Variants in PER1 observed in about 807,000 individuals in gnomAD.
The protein encoded by PER1 is period circadian regulator 1.
In PER1, 87 loss-of-function variants were observed where a neutral mutation model predicts 125.9. The observed-to-expected ratio is 0.69, with a 90% CI of 0.58 to 0.83. The LOEUF (loss-of-function observed/expected upper bound fraction) is 0.83, where lower values mean the gene tolerates loss of function less well. PER1 is among the 40% of genes least tolerant of loss of function. PER1 has a pLI of 0.00. For synonymous variants in PER1, 801 were observed against 714.7 expected (o/e 1.12, Z -1.93); for missense variants, 1,775 against 1,722.8 (o/e 1.03, Z -0.54).
At chr17:8,148,537 G>C in intron 8 of PER1, 107 bp downstream of exon 8, 1 of 1,348,838 alleles carries the variant, frequency 7.4e-7, no homozygotes, top group East Asian at 2.3e-5. Context: ...AGCTTTTCTT[G>C]TTCCAAAATT....
Position 8,143,853 on chromosome 17 carries a change from G to T in PER1, c.2485C>A (p.Pro829Thr), listed in dbSNP as rs769801524. ...GATCGGCAGTGGTGTCGGCGGCTTG[G>T]GGGTGCGGGGCCGTGGTGGCAGCCT... ...ERGCHHGPAP[P>T]SRRHHCRSKA... The change falls in exon 19 of 23, where the codon CCA (proline) becomes ACA (threonine). Residue 829 changes from proline (P) to threonine (T), a missense_variant. Physicochemically the swap from Pro to Thr is conservative, Grantham distance 38 (BLOSUM62 -1). Coordinates refer to ENST00000317276, the MANE Select transcript of PER1 (RefSeq NM_002616.3). The T allele has an allele frequency of 1.9e-6, 3 of 1,611,676 alleles. No homozygotes were observed. The Admixed American group carries it at 5.0e-5, about 27-fold the overall frequency.
rs148264825 is a variant in PER1 at position 8,141,921 on chromosome 17, G to T, written c.3484C>A (p.Arg1162=). Residue 1162 remains arginine, a synonymous_variant, in exon 22 of 23, where the codon CGG becomes AGG. Coordinates refer to ENST00000317276, the MANE Select transcript of PER1 (RefSeq NM_002616.3). ...MTSVLKQDRE[R]LRAMQKQQPR... is the part of the protein sequence containing the mutation. ...TGCTGCTTCTGCATGGCTCGGAGCCGCTCCCGATCCTGCTTCAGCACAGAG... is the reference window on the plus strand; with the variant it reads ...TGCTGCTTCTGCATGGCTCGGAGCCTCTCCCGATCCTGCTTCAGCACAGAG... 1 of 1,613,998 alleles carries T rather than the reference G, an allele frequency of 6.2e-7. No individual in the cohort carries two copies. Among genetic ancestry groups the T allele is most frequent in the South Asian group, 1.1e-5 (1 of 91,074 alleles).
chr17:8,145,324 CTT>C (rs398030276), intron 17 of PER1, among the ~76,000 whole-genome samples: 5 of 125,490 alleles, frequency 4.0e-5, no homozygotes, highest in East Asian at 4.4e-4. Flanking sequence ...TTTCTTGTTT[CTT>C]TTTTTTTTTT....
rs536649395 is a variant in PER1, at chr17:8,148,173, A to G, written c.1127+8T>C. 1.2e-6 allele frequency: 2 copies of G among 1,613,864 alleles called. No homozygotes were observed. Among genetic ancestry groups the G allele is most frequent in the East Asian group, 2.2e-5 (1 of 44,870 alleles). ...GCTGCCCTCGTCTCCTCTAGGTCCT[A>G]TCCTCACCTTTCATCCACATCCTGG... On this transcript the variant is annotated splice_region_variant and intron_variant, in intron 9 of 22. Transcript: ENST00000317276.
Position 8,148,701 on chromosome 17 carries a change from C to T in PER1, c.991G>A (p.Ala331Thr). ...AGCAGGCAGCACGGCTGTGCAGGGG[C>T]CCCATCTGAGACCCGGATCTTGGTC... ...YVTKIRVSDG[A>T]PAQPCCLLIA... Residue 331 changes from alanine (A) to threonine (T), a missense_variant, in exon 8 of 23, where the codon GCC (alanine) becomes ACC (threonine). Transcript: ENST00000317276. 6.2e-7 allele frequency: 1 copy of T among 1,613,744 alleles called. No homozygotes were observed. Among genetic ancestry groups the T allele is most frequent in the Non-Finnish European group, 8.5e-7 (1 of 1,179,836 alleles).
chr17:8,146,408 G>C lies in PER1; in HGVS notation c.2002C>G (p.Gln668Glu). 1 of 1,613,038 alleles carries C rather than the reference G, an allele frequency of 6.2e-7. No homozygotes were observed. Among genetic ancestry groups the C allele is most frequent in the Non-Finnish European group, 8.5e-7 (1 of 1,179,480 alleles). ...TTSSASDDDR[Q>E]RTGPVSVGTK... ...CCCACAGAGACTGGACCTGTCCTCT[G>C]CCTGTCGTCGTCAGAGGCTGAGGAG... The change falls in exon 16 of 23, where the codon CAG (glutamine) becomes GAG (glutamate). Residue 668 changes from glutamine (Q) to glutamate (E), a missense_variant. Transcript: ENST00000317276.
chr17:8,149,333 G>A (rs759828744), intron 6 of PER1, 23 bp from the exon 7 acceptor site: 1 of 1,613,434 alleles, frequency 6.2e-7, no homozygotes, highest in Non-Finnish European at 8.5e-7. Context: ...GGAGAGGAGT[G>A]AGCACAGCTT....
At position 8,144,743 on chromosome 17, in the gene PER1, G is replaced by A. The variant is rs973050233; in HGVS notation, c.2461+8C>T. ...GAGGGCAGGCTCCAGGAGGCCCCAG[G>A]TGGCTACCTCGCTCGCCAAGGGCTG... On this transcript the variant is annotated splice_region_variant and intron_variant, in intron 18 of 22. Coordinates refer to ENST00000317276, the MANE Select transcript of PER1 (RefSeq NM_002616.3). The A allele has an allele frequency of 1.7e-5, 26 of 1,559,974 alleles. No individual in the cohort carries two copies. The Middle Eastern group carries it at 5.0e-4, about 30-fold the overall frequency.
Position 8,144,829 on chromosome 17 carries a change from G to A in PER1, c.2383C>T (p.Leu795Phe). ...CTGCCCAGGTCTCGGAAGCGGCTGA[G>A]GAAGGCTTGCTCTTCCTTCTGTGTG... is the stretch of plus-strand genomic sequence containing the variant. Reference protein sequence around the residue: ...LHTQKEEQAFLSRFRDLGRLR... With the variant: ...LHTQKEEQAFFSRFRDLGRLR... The change falls in exon 18 of 23, where the codon CTC (leucine) becomes TTC (phenylalanine). Residue 795 changes from leucine (L) to phenylalanine (F), a missense_variant. Physicochemically the swap from Leu to Phe is conservative, Grantham distance 22. Transcript: ENST00000317276. 6.3e-7 allele frequency: 1 copy of A among 1,586,688 alleles called. No homozygotes were observed.
Position 8,143,923 on chromosome 17 carries a change from T to C in PER1, c.2462-47A>G, listed in dbSNP as rs777809299. ...AGCAAGGACCTCAACCTGGGGTTAG[T>C]ACCCCTGCTACCCACACTGCCCTGA... On this transcript the variant is annotated intron_variant, in intron 18 of 22. Coordinates refer to ENST00000317276, the MANE Select transcript of PER1 (RefSeq NM_002616.3). 1.0e-5 allele frequency: 16 copies of C among 1,551,996 alleles called. No individual in the cohort carries two copies. The Admixed American group carries it at 2.3e-4, about 23-fold the overall frequency.
rs141195768 is a variant in PER1 at position 8,143,485 on chromosome 17, C to A, written c.2853G>T (p.Ser951=). Residue 951 remains serine (S), a synonymous_variant, in exon 19 of 23, where the codon TCG becomes TCT. Transcript: ENST00000317276. ...CGGGCAAGGATGGAGAAGGGGAGTGCGAGGCAGGAGTGGGAGGCCCTTCAG... is the reference window on the plus strand; with the variant it reads ...CGGGCAAGGATGGAGAAGGGGAGTGAGAGGCAGGAGTGGGAGGCCCTTCAG... ...TPAEGPPTPA[S]HSPSPSLPAL... 1.3e-6 allele frequency: 2 copies of A among 1,589,960 alleles called. No individual in the cohort carries two copies. The highest frequency in any genetic ancestry group is 1.3e-5 in the African/African-American group (1 of 74,446).
At chr17:8,151,371 G>A (rs1376848371) in intron 1 of PER1, among the ~76,000 whole-genome samples, 1 of 152,224 alleles carries the variant, frequency 6.6e-6, no homozygotes, top group African/African-American at 2.4e-5. Flanking sequence ...ACAGGAGGGC[G>A]GGAGGAGCGA....
At position 8,150,472 on chromosome 17, in the gene PER1, TG is replaced by T; in HGVS notation, c.234del (p.Lys79ArgfsTer32). ...GTGGTCTCCAGCAGGGCTGAGTCCT[TG>T]CCGTTGCCTGAGGAGGAGCTGTGTG... ...RSSHSSSSGN[G>X]KDSALLETTE... is the part of the protein sequence containing the mutation. On this transcript the variant is annotated frameshift_variant, in exon 2 of 23. Coordinates refer to ENST00000317276, the MANE Select transcript of PER1 (RefSeq NM_002616.3). LOFTEE classifies it high-confidence loss of function. The T allele has an allele frequency of 6.2e-7, 1 of 1,614,002 alleles. No homozygotes were observed. The highest frequency in any genetic ancestry group is 8.5e-7 in the Non-Finnish European group (1 of 1,179,938).
Position 8,149,747 on chromosome 17 carries a change from C to T in PER1, c.651+8G>A, listed in dbSNP as rs1339099194. On this transcript the variant is annotated splice_region_variant and intron_variant, in intron 5 of 22. Transcript: ENST00000317276. The stretch of plus-strand genomic sequence containing the variant: ...GCGTCGGGATGCAGAGGCCAGGCCG[C>T]CGCTGACCTGGTTCTGAAGTGTGTA... 1 of 1,612,682 alleles carries T rather than the reference C, an allele frequency of 6.2e-7. No individual in the cohort carries two copies.
chr17:8,145,330 T>TTTC (rs796518237), intron 17 of PER1, among the ~76,000 whole-genome samples: 1 of 147,918 alleles, frequency 6.8e-6, no homozygotes, highest in African/African-American at 2.5e-5. Flanking sequence ...GTTTCTTTTT[T>TTTC]TTTTTTTTTT....
chr17:8,147,864 G>A (rs564997205), intron 10 of PER1, 37 bp from the exon 11 acceptor site: 80 of 1,611,492 alleles, frequency 5.0e-5, no homozygotes, highest in South Asian at 1.5e-4. Flanking sequence ...GTCAAAGGGA[G>A]GGAGAGCTGA....
chr17:8,147,576 G>A lies in PER1; in HGVS notation c.1391C>T (p.Ala464Val). ...FVLGRHKVRT[A>V]PLNEDVFTPP... ...AGTGAACACGTCCTCATTCAGGGGG[G>A]CCCTGTAGAGTGAAGAGTGAATCCA... The change falls in exon 12 of 23, where the codon GCC becomes GTC. Residue 464 changes from alanine (A) to valine (V), a missense_variant and splice_region_variant. Transcript: ENST00000317276. The A allele has an allele frequency of 1.9e-6, 3 of 1,613,226 alleles. No individual in the cohort carries two copies. The highest frequency in any genetic ancestry group is 2.5e-6 in the Non-Finnish European group (3 of 1,179,410).
chr17:8,144,115 T>G, intron 18 of PER1: 1 of 552,272 alleles, frequency 1.8e-6, no homozygotes, highest in Non-Finnish European at 3.1e-6. Context: ...ACACGAGGGG[T>G]CGAGCTGGGG....
Position 8,147,007 on chromosome 17 carries a change from G to C in PER1, c.1630-5C>G. 6.2e-7 allele frequency: 1 copy of C among 1,610,074 alleles called. No homozygotes were observed. Among genetic ancestry groups the C allele is most frequent in the Non-Finnish European group, 8.5e-7 (1 of 1,176,580 alleles). ...ACAGATCTGCTGGAAAGTCACCTGT[G>C]GGACACAGCACCACAGTGAGCAGAA... On this transcript the variant is annotated splice_polypyrimidine_tract_variant and splice_region_variant and intron_variant, in intron 13 of 22. Coordinates refer to ENST00000317276, the MANE Select transcript of PER1 (RefSeq NM_002616.3).
Sources: allele counts gnomAD v4.1 joint callset (sites outside exome capture counted in the v4.1 genomes callset), GRCh38; gene constraint gnomAD v4.1.1; transcripts MANE v1.5; gene names NCBI Gene and HGNC (gene_info 2026-07-23, HGNC 2026-07-21).